The following TIAM2 variants were observed in gnomAD, a reference collection of about 807,000 sequenced individuals.
TIAM2 encodes the protein TIAM Rac1 associated GEF 2, also known as rho guanine nucleotide exchange factor TIAM2.
Under a neutral mutation model 152.9 loss-of-function variants are expected in TIAM2, and 80 were observed. The observed-to-expected ratio is 0.52, with a 90% CI of 0.44 to 0.63. The LOEUF is 0.63. TIAM2 is among the 30% of genes least tolerant of loss of function. The pLI is 0.00. For synonymous variants in TIAM2, 804 were observed against 838.0 expected, an observed-to-expected ratio of 0.96 and a Z score of 0.70; for missense variants, 1,965 against 2,120.1, an observed-to-expected ratio of 0.93 and a Z score of 1.44.
intron 2 of TIAM2, among the ~76,000 whole-genome samples, chr6:155,100,197 G>A (rs530556881): frequency 5.1e-4 from 77 of 152,292 alleles, no homozygotes; most frequent in African/African-American, 1.8e-3. Flanking sequence ...AGTTTGGGTC[G>A]TCTGACTTTG....
At chr6:155,251,468 G>A (rs1263366802) in intron 22 of TIAM2, among the ~76,000 whole-genome samples, 1 of 152,002 alleles carries the variant, frequency 6.6e-6, no homozygotes, top group Non-Finnish European at 1.5e-5. Context: ...TGTATTTTTA[G>A]TAGAGATGGG....
At chr6:155,071,034 A>G (rs1386006233) in intron 1 of TIAM2, among the ~76,000 whole-genome samples, 2 of 152,116 alleles carry the variant, frequency 1.3e-5, no homozygotes, top group South Asian at 2.1e-4. Flanking sequence ...TTCGTGGGAC[A>G]TGGTTGTGCA....
At chr6:155,043,659 G>A (rs2018155) in intron 1 of TIAM2, among the ~76,000 whole-genome samples, 86,204 of 139,578 alleles carry the variant, frequency 0.62, 26,529 homozygotes, top group Non-Finnish European at 0.64. Flanking sequence ...AAAAAAAAAG[G>A]ATCTGTAAGG....
At chr6:155,203,048 CAAA>C (rs59836931) in intron 14 of TIAM2, among the ~76,000 whole-genome samples, 42,071 of 78,206 alleles carry the variant, frequency 0.54, 8,779 homozygotes, top group Middle Eastern at 0.65. Context: ...AACTCTGTCT[CAAA>C]AAAAAAAAAA....
chr6:155,185,517 T>G (rs1781023276), intron 14 of TIAM2, among the ~76,000 whole-genome samples: 3 of 150,082 alleles, frequency 2.0e-5, no homozygotes, highest in Admixed American at 2.0e-4. Flanking sequence ...TTTATTTATT[T>G]ATTTATTTAT....
At position 155,029,127 on chromosome 6, in the gene TIAM2, ACTATGTGTTATATACACTATATG is replaced by A. The variant is rs1562294827; in HGVS notation, c.-209+33636_-209+33658del. Among the ~76,000 whole-genome samples, 68 of 122,114 alleles carry A rather than the reference ACTATGTGTTATATACACTATATG, an allele frequency of 5.6e-4. 1 individual carries two copies. Among genetic ancestry groups the A allele is most frequent in the African/African-American group, 2.0e-3 (65 of 33,192 alleles). 80.1% of individuals were successfully genotyped at this position (122,114 alleles called of 152,430 possible). On this transcript the variant is annotated intron_variant, in intron 1 of 26. Transcript: ENST00000682666. ...TATGTGTTATATATACACTGTATGT[ACTATGTGTTATATACACTATATG>A]TACTATGTGTTATATACACTATATG...
At chr6:155,086,706 T>TG (rs753301238) in intron 1 of TIAM2, among the ~76,000 whole-genome samples, 197 of 19,266 alleles carry the variant, frequency 0.01, no homozygotes, top group Middle Eastern at 0.026. Context: ...GGCTCCATCT[T>TG]GGAAAAAAAA....
chr6:155,054,806 G>A lies in TIAM2; in HGVS notation c.-208-35483G>A, dbSNP rs558066607. ...GTACTTAAGGTTGTGTCGGTTTGTT[G>A]TAAAGTGTCATTTTGGAATGTTCCA... On this transcript the variant is annotated intron_variant, in intron 1 of 26. Transcript: ENST00000682666. Among the ~76,000 whole-genome samples, 3 of 152,282 alleles carry A rather than the reference G, an allele frequency of 2.0e-5. No individual in the cohort carries two copies. In the East Asian group the frequency reaches 5.8e-4, roughly 29 times the overall value.
intron 12 of TIAM2, 24 bp from the exon 13 acceptor site, chr6:155,182,202 T>A: frequency 6.2e-7 from 1 of 1,609,176 alleles, no homozygotes; most frequent in Non-Finnish European, 8.5e-7. Flanking sequence ...GAGACTTGCT[T>A]TTTCCTTTTG....
At chr6:155,113,969 G>A (rs535853304) in intron 2 of TIAM2, among the ~76,000 whole-genome samples, 2 of 130,596 alleles carry the variant, frequency 1.5e-5, no homozygotes, top group South Asian at 2.6e-4. Context: ...AAATATCGTT[G>A]AACTCCTATA....
At chr6:155,095,837 A>T (rs1244116291) in intron 2 of TIAM2, among the ~76,000 whole-genome samples, 1 of 152,250 alleles carries the variant, frequency 6.6e-6, no homozygotes, top group Non-Finnish European at 1.5e-5. Context: ...AACTACAATT[A>T]GATCTGGGCA....
intron 7 of TIAM2, among the ~76,000 whole-genome samples, chr6:155,162,225 TG>T (rs1165281184): frequency 6.6e-6 from 1 of 152,212 alleles, no homozygotes; most frequent in East Asian, 1.9e-4. Context: ...CTCCAAGTGC[TG>T]GGATTACAGG....
At chr6:155,165,087 G>C (rs1032915681) in intron 8 of TIAM2, among the ~76,000 whole-genome samples, 176 bp from the exon 9 acceptor site, 6 of 152,282 alleles carry the variant, frequency 3.9e-5, no homozygotes, top group East Asian at 1.9e-4. Context: ...GTCATGACTT[G>C]TGTTATCCAG....
Position 155,213,658 on chromosome 6 carries a change from C to T in TIAM2, c.3168+2351C>T, listed in dbSNP as rs1021416543. On this transcript the variant is annotated intron_variant, in intron 15 of 26. Transcript: ENST00000682666. This position sits in a 1 kb window ranked among gnomAD's most constrained non-coding sequence, Gnocchi z 4.2. Reference sequence around the variant, plus strand: ...GCTTTTCTGGGGACCCACTCCTTTCCACCCAGGAGCCTGTCTGCGTCCTGC... The same window carrying T: ...GCTTTTCTGGGGACCCACTCCTTTCTACCCAGGAGCCTGTCTGCGTCCTGC... 6.6e-6 allele frequency among the ~76,000 whole-genome samples: 1 copy of T among 152,212 alleles called. No homozygotes were observed. The highest frequency in any genetic ancestry group is 6.5e-5 in the Admixed American group (1 of 15,284).
chr6:155,090,172 C>T (rs1162200851), intron 1 of TIAM2, 117 bp from the exon 2 acceptor site: 1 of 152,160 alleles, frequency 6.6e-6, no homozygotes, highest in Non-Finnish European at 1.5e-5. Flanking sequence ...CAGATTCTTC[C>T]TTCTTGTATC....
chr6:155,220,873 A>G (rs914628189), intron 15 of TIAM2, among the ~76,000 whole-genome samples: 2 of 152,094 alleles, frequency 1.3e-5, no homozygotes, highest in African/African-American at 4.8e-5. Context: ...CCATCAACCC[A>G]TCATCTACCT....
intron 1 of TIAM2, among the ~76,000 whole-genome samples, chr6:155,021,914 A>G (rs13209917): frequency 0.21 from 32,050 of 152,028 alleles, 3,646 homozygotes; most frequent in African/African-American, 0.29. Flanking sequence ...GTTTACAAAG[A>G]TGGTTCAGAT....
At chr6:155,250,179 C>G (rs117572809) in intron 21 of TIAM2, among the ~76,000 whole-genome samples, 1,915 of 152,148 alleles carry the variant, frequency 0.013, 25 homozygotes, top group Non-Finnish European at 0.019. Context: ...CCTTATGTCA[C>G]GTTCACATTG....
intron 19 of TIAM2, among the ~76,000 whole-genome samples, chr6:155,246,770 A>T (rs1332268100): frequency 2.0e-5 from 3 of 152,234 alleles, no homozygotes; most frequent in African/African-American, 7.2e-5. Flanking sequence ...GTCATAAAGA[A>T]GAGGGGTCCT....
Sources: allele counts gnomAD v4.1 joint callset (sites outside exome capture counted in the v4.1 genomes callset), GRCh38; gene constraint gnomAD v4.1.1; non-coding constraint Gnocchi (gnomAD v3.1); transcripts MANE v1.5; gene names NCBI Gene and HGNC (gene_info 2026-07-23, HGNC 2026-07-21).